Variants in CEP63 observed in about 807,000 individuals in gnomAD.
CEP63 encodes the protein centrosomal protein 63.
A neutral mutation model predicts 89.1 loss-of-function variants in CEP63; 84 were observed. That is an observed-to-expected ratio of 0.94 (90% CI 0.79 to 1.13). The LOEUF is 1.13. CEP63 is among the 50% of genes most tolerant of loss of function. The probability of loss-of-function intolerance (pLI) is 0.00; values close to 1 mark genes in which losing one functional copy is unlikely to be tolerated. For synonymous variants in CEP63, 267 were observed against 272.5 expected (o/e 0.98, Z 0.20); for missense variants, 838 against 813.3 (o/e 1.03, Z -0.37).
chr3:134,583,080 C>T (rs1468027160), intron 10 of CEP63, among the ~76,000 whole-genome samples: 1 of 152,118 alleles, frequency 6.6e-6, no homozygotes, highest in Non-Finnish European at 1.5e-5. Context: ...TGGATATTAG[C>T]CCTTTGTCAG....
the CEP63 span, among the ~76,000 whole-genome samples, chr3:134,705,096 T>A: frequency 6.6e-6 from 1 of 152,096 alleles, no homozygotes; most frequent in African/African-American, 2.4e-5. Context: ...AGGCTAAGGG[T>A]CCCCAACCCT....
chr3:134,487,408 A>C (rs1056570687), intron 1 of CEP63, among the ~76,000 whole-genome samples: 13 of 152,234 alleles, frequency 8.5e-5, no homozygotes, highest in Admixed American at 6.5e-5. Flanking sequence ...ATGCAAATCT[A>C]AAAGTTGTTT....
the CEP63 span, among the ~76,000 whole-genome samples, chr3:134,770,009 T>C: frequency 6.6e-6 from 1 of 152,242 alleles, no homozygotes; most frequent in Non-Finnish European, 1.5e-5. Context: ...ATTGCATTGG[T>C]GTGCAGCACT....
At chr3:134,574,245 G>C (rs974863548) in intron 11 of CEP63, among the ~76,000 whole-genome samples, 1 of 152,236 alleles carries the variant, frequency 6.6e-6, no homozygotes, top group Non-Finnish European at 1.5e-5. Context: ...TGAGAAGAGA[G>C]ATGGAGGAGC....
chr3:134,600,820 G>A, the CEP63 span: 1 of 152,288 alleles, frequency 6.6e-6, no homozygotes, highest in African/African-American at 2.4e-5. Context: ...ACACCAGGTT[G>A]TCCCCCAGGA....
chr3:134,536,893 T>A, intron 5 of CEP63: 3 of 436,372 alleles, frequency 6.9e-6, no homozygotes, highest in Non-Finnish European at 1.3e-5. Flanking sequence ...AACATCTGAA[T>A]CCAGTGCTTA....
chr3:134,701,316 G>GTA, the CEP63 span, among the ~76,000 whole-genome samples: 1 of 58,902 alleles, frequency 1.7e-5, no homozygotes, highest in African/African-American at 3.7e-5. Context: ...GTATATATGT[G>GTA]TATATATACA....
chr3:134,604,194 G>C, the CEP63 span: 1 of 1,612,192 alleles, frequency 6.2e-7, no homozygotes, highest in Non-Finnish European at 8.5e-7. Context: ...TCTGCTCCGA[G>C]AACCAGCTGG....
chr3:134,561,318 T>C, intron 14 of CEP63, 59 bp from the exon 15 acceptor site: 6 of 1,440,866 alleles, frequency 4.2e-6, no homozygotes, highest in Non-Finnish European at 5.9e-6. Flanking sequence ...ATGAACAGTG[T>C]ATCTTAGAAA....
At chr3:134,543,296 C>T (rs1368412115) in intron 6 of CEP63, among the ~76,000 whole-genome samples, 3 of 152,098 alleles carry the variant, frequency 2.0e-5, no homozygotes, top group Admixed American at 1.3e-4. Context: ...TCAGATTAGC[C>T]ACAGTTCAGT....
chr3:134,487,010 A>G (rs1935747111), intron 1 of CEP63, among the ~76,000 whole-genome samples: 2 of 152,204 alleles, frequency 1.3e-5, no homozygotes, highest in African/African-American at 4.8e-5. Flanking sequence ...GTCGTCTTTT[A>G]CAGTTTCAGC....
At chr3:134,773,292 C>G in the CEP63 span, among the ~76,000 whole-genome samples, 1 of 152,180 alleles carries the variant, frequency 6.6e-6, no homozygotes, top group East Asian at 1.9e-4. Context: ...TGGGCACTAT[C>G]TTGGACTTCC....
the CEP63 span, among the ~76,000 whole-genome samples, chr3:134,736,964 A>C: frequency 6.6e-6 from 1 of 152,208 alleles, no homozygotes; most frequent in Non-Finnish European, 1.5e-5. Context: ...GGGGCAGAGC[A>C]AATAGACTGA....
chr3:134,629,952 A>C, the CEP63 span, among the ~76,000 whole-genome samples: 1,770 of 152,338 alleles, frequency 0.012, 32 homozygotes, highest in African/African-American at 0.041. Flanking sequence ...ACTGAATGTA[A>C]GGGGCAACTA....
At chr3:134,749,308 C>T in the CEP63 span, among the ~76,000 whole-genome samples, 1 of 152,082 alleles carries the variant, frequency 6.6e-6, no homozygotes, top group Non-Finnish European at 1.5e-5. Flanking sequence ...GCTGGTGGTC[C>T]AGGAGCCACA....
At chr3:134,699,524 C>A in the CEP63 span, among the ~76,000 whole-genome samples, 1 of 152,212 alleles carries the variant, frequency 6.6e-6, no homozygotes, top group Non-Finnish European at 1.5e-5. Context: ...CTGAAGCATA[C>A]AGGACAGACT....
chr3:134,488,943 G>C (rs949258678), intron 1 of CEP63, among the ~76,000 whole-genome samples: 1 of 152,120 alleles, frequency 6.6e-6, no homozygotes. Context: ...GGATCACGAG[G>C]TCAGGAGTTC....
chr3:134,758,499 G>A, the CEP63 span, among the ~76,000 whole-genome samples: 3 of 152,164 alleles, frequency 2.0e-5, no homozygotes, highest in Non-Finnish European at 2.9e-5. Context: ...GGTCTCAGCC[G>A]CCCAGAAGGT....
the CEP63 span, among the ~76,000 whole-genome samples, chr3:134,656,999 G>A: frequency 2.0e-5 from 3 of 152,166 alleles, no homozygotes; most frequent in African/African-American, 7.2e-5. Context: ...CTACAACATA[G>A]AGTATAATAA....
Sources: gnomAD v4.1 joint callset for allele counts (sites outside exome capture counted in the v4.1 genomes callset) on GRCh38, gnomAD v4.1.1 for gene constraint, MANE v1.5 for transcripts, NCBI Gene and HGNC (gene_info 2026-07-23, HGNC 2026-07-21) for gene names.